Variants in MAGI2 observed in about 807,000 individuals in gnomAD.
MAGI2 encodes membrane associated guanylate kinase, WW and PDZ domain containing 2, also known as membrane-associated guanylate kinase, WW and PDZ domain-containing protein 2.
In MAGI2, 35 loss-of-function variants were observed where a neutral mutation model predicts 133.3. The ratio of observed to expected loss-of-function variants is 0.26; its 90% CI spans 0.20 to 0.35. The LOEUF is 0.35. Ranked by LOEUF, MAGI2 falls within the 10% of genes least tolerant of loss-of-function variation. The pLI is 1.00. For synonymous variants in MAGI2, 729 were observed against 710.6 expected, an observed-to-expected ratio of 1.03 and a Z score of -0.41; for missense variants, 1,636 against 1,863.4, an observed-to-expected ratio of 0.88 and a Z score of 2.25.
rs1821802062 is a variant in MAGI2 at position 78,735,906 on chromosome 7, G to T, written c.419-108667C>A. On this transcript the variant is annotated intron_variant, in intron 2 of 21. Transcript: ENST00000354212. ...TACAACCAACAATTTGTACAAGAAA[G>T]TAGACCGAATGTGTGTGAGGTAATA... Among the ~76,000 whole-genome samples the T allele has an allele frequency of 2.6e-5, 4 of 152,246 alleles. No individual in the cohort carries two copies. The South Asian group carries it at 6.2e-4, about 24-fold the overall frequency.
At chr7:78,521,325 C>T in intron 4 of MAGI2, 105 bp downstream of exon 4, 1 of 688,398 alleles carries the variant, frequency 1.5e-6, no homozygotes, top group Non-Finnish European at 2.5e-6. Context: ...ATATATTTAT[C>T]TTACTATGTA....
chr7:78,074,112 CACT>C (rs2151172898), intron 21 of MAGI2, among the ~76,000 whole-genome samples: 1 of 152,304 alleles, frequency 6.6e-6, no homozygotes, highest in South Asian at 2.1e-4. Flanking sequence ...TGTGTGCAGC[CACT>C]ACTTTCGGGG....
chr7:79,327,216 G>A (rs1016091798), intron 1 of MAGI2, among the ~76,000 whole-genome samples: 1 of 152,072 alleles, frequency 6.6e-6, no homozygotes, highest in Non-Finnish European at 1.5e-5. Context: ...GACGATTAAC[G>A]TTTAGACAGC....
chr7:79,344,797 A>G (rs16886545), intron 1 of MAGI2, among the ~76,000 whole-genome samples: 22,751 of 151,988 alleles, frequency 0.15, 1,812 homozygotes, highest in South Asian at 0.26. Flanking sequence ...TGTGGCATTT[A>G]CCTGGGTGAC....
intron 9 of MAGI2, among the ~76,000 whole-genome samples, chr7:78,335,027 A>G (rs1789608389): frequency 6.6e-6 from 1 of 151,958 alleles, no homozygotes; most frequent in Admixed American, 6.6e-5. Context: ...ACACAGCCAT[A>G]CTCTCTTGTT....
intron 1 of MAGI2, among the ~76,000 whole-genome samples, chr7:79,448,406 C>G (rs529446394): frequency 2.0e-5 from 3 of 152,108 alleles, no homozygotes; most frequent in African/African-American, 7.2e-5. Flanking sequence ...ATTAAAAACA[C>G]CTCATAATGT....
intron 5 of MAGI2, among the ~76,000 whole-genome samples, chr7:78,493,508 T>C (rs1187779344): frequency 6.6e-6 from 1 of 152,128 alleles, no homozygotes; most frequent in Non-Finnish European, 1.5e-5. Flanking sequence ...TTCCATTTTA[T>C]AGATGGAGAA....
chr7:78,579,375 G>T (rs11979105), intron 3 of MAGI2, among the ~76,000 whole-genome samples: 121,802 of 151,980 alleles, frequency 0.8, 48,957 homozygotes, highest in East Asian at 0.9. Context: ...TATGAAGGAG[G>T]GTTGAGCTGA....
At chr7:78,195,138 AC>A in intron 11 of MAGI2, 75 bp from the exon 12 acceptor site, 2 of 1,283,730 alleles carry the variant, frequency 1.6e-6, no homozygotes, top group Middle Eastern at 2.0e-4. Context: ...CTTTAGGTTA[AC>A]CTTTTTTGCC....
At chr7:78,772,375 C>T (rs1174076377) in intron 2 of MAGI2, among the ~76,000 whole-genome samples, 2 of 152,194 alleles carry the variant, frequency 1.3e-5, no homozygotes, top group East Asian at 3.9e-4. Flanking sequence ...CAGAAGAAAA[C>T]TCTTATTTGG....
At chr7:79,390,839 C>T (rs186275489) in intron 1 of MAGI2, among the ~76,000 whole-genome samples, 1 of 152,288 alleles carries the variant, frequency 6.6e-6, no homozygotes, top group East Asian at 1.9e-4. Context: ...GAGATAAGTA[C>T]TTCCAACCTT....
chr7:78,264,865 C>G (rs1193746912), intron 9 of MAGI2, among the ~76,000 whole-genome samples: 1 of 152,120 alleles, frequency 6.6e-6, no homozygotes, highest in Non-Finnish European at 1.5e-5. Context: ...TTCAGTGGTG[C>G]AGTTAAACAG....
chr7:79,245,634 T>A (rs1049950518), intron 1 of MAGI2, among the ~76,000 whole-genome samples: 1 of 152,256 alleles, frequency 6.6e-6, no homozygotes, highest in African/African-American at 2.4e-5. Context: ...ACCAAGTAGC[T>A]TCCTAAGGTT....
At chr7:79,299,164 G>T (rs1487629340) in intron 1 of MAGI2, among the ~76,000 whole-genome samples, 1 of 152,088 alleles carries the variant, frequency 6.6e-6, no homozygotes, top group East Asian at 1.9e-4. Flanking sequence ...AGCATGGTGG[G>T]GAGTGGAAGT....
intron 20 of MAGI2, among the ~76,000 whole-genome samples, chr7:78,095,296 T>G (rs7779238): frequency 0.73 from 110,785 of 151,976 alleles, 40,402 homozygotes; most frequent in East Asian, 0.78. Flanking sequence ...TACAGATGAG[T>G]CTGGCCTCCT....
intron 1 of MAGI2, among the ~76,000 whole-genome samples, chr7:79,175,608 G>A (rs1294014903): frequency 3.3e-5 from 5 of 152,034 alleles, no homozygotes; most frequent in South Asian, 4.1e-4. Flanking sequence ...CAATTTCACC[G>A]TAGTATACTT....
intron 2 of MAGI2, among the ~76,000 whole-genome samples, chr7:78,987,987 A>G (rs1251435849): frequency 1.3e-5 from 2 of 152,206 alleles, no homozygotes; most frequent in South Asian, 4.1e-4. Flanking sequence ...TAGTTAAAAT[A>G]ATGCTGTTCT....
chr7:78,990,107 C>T (rs1805619481), intron 2 of MAGI2, among the ~76,000 whole-genome samples: 2 of 152,004 alleles, frequency 1.3e-5, no homozygotes, highest in South Asian at 2.1e-4. Context: ...CAAGGCATTG[C>T]TCTGAGCATC....
Position 78,741,428 on chromosome 7 carries a change from C to A in MAGI2, c.419-114189G>T, listed in dbSNP as rs66495951. Among the ~76,000 whole-genome samples, 771 of 116,088 alleles carry A rather than the reference C, an allele frequency of 6.6e-3. 8 individuals are homozygous for A. The highest frequency in any genetic ancestry group is 9.6e-3 in the Non-Finnish European group (551 of 57,372). 76.2% of individuals were successfully genotyped at this position (116,088 alleles called of 152,430 possible). ...ACACACACACACACACACACACACACGGGAGGGGGGTTAGATCATAAAAGG... is the reference window on the plus strand; with the variant it reads ...ACACACACACACACACACACACACAAGGGAGGGGGGTTAGATCATAAAAGG... On this transcript the variant is annotated intron_variant, in intron 2 of 21. Transcript: ENST00000354212.
Sources: allele counts gnomAD v4.1 joint callset (sites outside exome capture counted in the v4.1 genomes callset), GRCh38; gene constraint gnomAD v4.1.1; transcripts MANE v1.5; gene names NCBI Gene and HGNC (gene_info 2026-07-23, HGNC 2026-07-21).